LGSN: variants seen among roughly 807,000 people sequenced by gnomAD.
LGSN encodes lengsin, lens protein with glutamine synthetase domain.
LGSN carries 21 observed loss-of-function variants against 19.5 expected under a neutral mutation model. The ratio of observed to expected loss-of-function variants is 1.07; its 90% confidence interval spans 0.76 to 1.55. The LOEUF (loss-of-function observed/expected upper bound fraction) is 1.55. Among genes scored for constraint, LGSN ranks in the 40% most tolerant of loss-of-function variants. The pLI, the probability that LGSN is intolerant of heterozygous loss-of-function variation, is 0.00. For missense variants in LGSN, 673 were observed against 608.5 expected, an observed-to-expected ratio of 1.11 and a Z score of -1.12; for synonymous variants, 257 against 215.6, an observed-to-expected ratio of 1.19 and a Z score of -1.68.
At chr6:63,570,023 G>A in the LGSN span, among the ~76,000 whole-genome samples, 1 of 152,206 alleles carries the variant, frequency 6.6e-6, no homozygotes, top group African/African-American at 2.4e-5. Context: ...AATGGCAGCT[G>A]ACAAGCAGGA....
At position 63,280,913 on chromosome 6, in the gene LGSN, A is replaced by G; in HGVS notation, c.638T>C (p.Phe213Ser). 6.2e-7 allele frequency: 1 copy of G among 1,614,134 alleles called. No homozygotes were observed. Among genetic ancestry groups the G allele is most frequent in the South Asian group, 1.1e-5 (1 of 91,090 alleles). ...TGAATTTAAAATTTCGGGCACACCAAAAATGCAAAAATCATAGATGAAAGC... is the reference window on the plus strand; with the variant it reads ...TGAATTTAAAATTTCGGGCACACCAGAAATGCAAAAATCATAGATGAAAGC... ...LSAFIYDFCI[F>S]GVPEILNSKI... Residue 213 changes from phenylalanine to serine, a missense_variant, in exon 4 of 4, where the codon TTT (phenylalanine) becomes TCT (serine). By Grantham distance (155) the Phe-to-Ser change is radical. Coordinates refer to ENST00000370657, the MANE Select transcript of LGSN (RefSeq NM_016571.3).
At chr6:63,479,583 C>CA in the LGSN span, among the ~76,000 whole-genome samples, 3 of 151,732 alleles carry the variant, frequency 2.0e-5, no homozygotes, top group Non-Finnish European at 2.9e-5. Flanking sequence ...ACTAAAAACA[C>CA]AAAAAAATTA....
chr6:63,501,709 T>C, the LGSN span, among the ~76,000 whole-genome samples: 1 of 152,192 alleles, frequency 6.6e-6, no homozygotes, highest in Non-Finnish European at 1.5e-5. Flanking sequence ...AGAAAATGCT[T>C]CTTAAGGGAG....
At chr6:63,392,720 A>G in the LGSN span, 2 of 152,150 alleles carry the variant, frequency 1.3e-5, no homozygotes, top group Non-Finnish European at 2.9e-5. Flanking sequence ...ACTTAGGCAG[A>G]TAATGAGGAT....
the LGSN span, among the ~76,000 whole-genome samples, chr6:63,418,794 A>T: frequency 6.6e-6 from 1 of 152,154 alleles, no homozygotes; most frequent in Non-Finnish European, 1.5e-5. Context: ...CTAGCCAAAA[A>T]ACCAGGAAAG....
At chr6:63,328,408 G>A in the LGSN span, among the ~76,000 whole-genome samples, 2 of 152,188 alleles carry the variant, frequency 1.3e-5, no homozygotes, top group African/African-American at 4.8e-5. Flanking sequence ...GTCCCTCAAG[G>A]AGTAGTGCCT....
At chr6:63,526,089 C>A in the LGSN span, among the ~76,000 whole-genome samples, 30 of 152,010 alleles carry the variant, frequency 2.0e-4, no homozygotes, top group Non-Finnish European at 4.3e-4. Context: ...TTTTAGGAGG[C>A]CAAGGCGGGC....
chr6:63,335,704 C>T, the LGSN span, among the ~76,000 whole-genome samples: 1 of 152,022 alleles, frequency 6.6e-6, no homozygotes, highest in African/African-American at 2.4e-5. Flanking sequence ...AACTCTTATA[C>T]ACTGTTAGTG....
chr6:63,559,793 G>A, the LGSN span, among the ~76,000 whole-genome samples: 3 of 151,996 alleles, frequency 2.0e-5, no homozygotes, highest in Non-Finnish European at 2.9e-5. Flanking sequence ...GGTCGTTCAT[G>A]CATATAATAC....
chr6:63,328,294 A>G, the LGSN span, among the ~76,000 whole-genome samples: 3 of 152,212 alleles, frequency 2.0e-5, no homozygotes, highest in African/African-American at 7.2e-5. Flanking sequence ...GGGCGGCATA[A>G]GTCTGGACTA....
At chr6:63,512,456 A>G in the LGSN span, among the ~76,000 whole-genome samples, 2 of 152,168 alleles carry the variant, frequency 1.3e-5, no homozygotes, top group African/African-American at 4.8e-5. Context: ...GCTGGGGCAT[A>G]TCTTGACATC....
At chr6:63,325,901 G>A in the LGSN span, among the ~76,000 whole-genome samples, 2 of 152,094 alleles carry the variant, frequency 1.3e-5, no homozygotes, top group Non-Finnish European at 2.9e-5. Context: ...AAGGGGACCC[G>A]AGTGGGTTGC....
intron 1 of LGSN, among the ~76,000 whole-genome samples, chr6:63,319,184 G>T (rs565974798): frequency 6.6e-6 from 1 of 152,268 alleles, no homozygotes; most frequent in South Asian, 2.1e-4. Flanking sequence ...TGGGGACCAG[G>T]TTTGTTCTCT....
the LGSN span, among the ~76,000 whole-genome samples, chr6:63,476,869 A>G: frequency 2.0e-5 from 3 of 152,204 alleles, no homozygotes; most frequent in African/African-American, 7.2e-5. Flanking sequence ...AAAATTTGCC[A>G]TTGTTTTTAA....
chr6:63,351,896 C>T, the LGSN span, among the ~76,000 whole-genome samples: 1 of 152,126 alleles, frequency 6.6e-6, no homozygotes, highest in Non-Finnish European at 1.5e-5. Flanking sequence ...AAACCTGAGA[C>T]TGATTTACTG....
chr6:63,464,234 C>T, the LGSN span, among the ~76,000 whole-genome samples: 1 of 151,960 alleles, frequency 6.6e-6, no homozygotes, highest in Non-Finnish European at 1.5e-5. Flanking sequence ...GGACTGTGCC[C>T]AGTTTCCTCA....
At chr6:63,331,807 T>C in the LGSN span, among the ~76,000 whole-genome samples, 4 of 152,278 alleles carry the variant, frequency 2.6e-5, no homozygotes, top group Non-Finnish European at 5.9e-5. Flanking sequence ...CCTGCACCCT[T>C]GCCTGTCCTC....
At chr6:63,326,956 G>A in the LGSN span, among the ~76,000 whole-genome samples, 1 of 152,258 alleles carries the variant, frequency 6.6e-6, no homozygotes, top group East Asian at 1.9e-4. Context: ...GGGAGCCCAG[G>A]CAGAGGAGGC....
rs773951641 is a variant in LGSN, at chr6:63,280,395, A to G, written c.1156T>C (p.Tyr386His). Residue 386 changes from tyrosine to histidine, a missense_variant, in exon 4 of 4, where the codon TAC (tyrosine) becomes CAC (histidine). Coordinates refer to ENST00000370657, the MANE Select transcript of LGSN (RefSeq NM_016571.3). ...LKKSVPTTWG[Y>H]NDNSCIFNIK... ...TTAAATATACAGCTGTTGTCATTGTATCCCCATGTTGTAGGCACACTCTTC... is the reference window on the plus strand; with the variant it reads ...TTAAATATACAGCTGTTGTCATTGTGTCCCCATGTTGTAGGCACACTCTTC... 5 of 1,613,952 alleles carry G rather than the reference A, an allele frequency of 3.1e-6. No individual in the cohort carries two copies. The highest frequency in any genetic ancestry group is 1.3e-5 in the African/African-American group (1 of 74,890).
Sources: allele counts gnomAD v4.1 joint callset (sites outside exome capture counted in the v4.1 genomes callset), GRCh38; gene constraint gnomAD v4.1.1; transcripts MANE v1.5; gene names NCBI Gene and HGNC (gene_info 2026-07-23, HGNC 2026-07-21).